BAG3: variants seen among roughly 807,000 people sequenced by gnomAD.
The protein encoded by BAG3 is BAG family molecular chaperone regulator 3.
In BAG3, 14 loss-of-function variants were observed where a neutral mutation model predicts 40.5. The observed-to-expected ratio is 0.35, with a 90% confidence interval of 0.23 to 0.54. The LOEUF (loss-of-function observed/expected upper bound fraction) is 0.54, where lower values mean the gene tolerates loss of function less well. BAG3 is among the 20% of genes least tolerant of loss of function. BAG3 has a pLI of 0.91. For missense variants in BAG3, 788 were observed against 758.6 expected (o/e 1.04, Z -0.46); for synonymous variants, 302 against 307.8 (o/e 0.98, Z 0.20).
At chr10:119,655,937 A>C (rs1589621847) in intron 1 of BAG3, among the ~76,000 whole-genome samples, 1 of 152,188 alleles carries the variant, frequency 6.6e-6, no homozygotes, top group African/African-American at 2.4e-5. Flanking sequence ...GTTGGATGCT[A>C]TCAGGGCTGC....
rs751558069 is a variant in BAG3 at position 119,676,804 on chromosome 10, C to A, written c.1250C>A (p.Pro417Gln). 1.2e-6 allele frequency: 2 copies of A among 1,614,056 alleles called. No homozygotes were observed. Among genetic ancestry groups the A allele is most frequent in the East Asian group, 2.2e-5 (1 of 44,902 alleles). ...PPKPGEAEAPPKHPGVLKVEA... is the reference protein window; with the variant it reads ...PPKPGEAEAPQKHPGVLKVEA... ...AAACCAGGAGAAGCCGAGGCTCCCC[C>A]AAAACATCCAGGAGTGCTGAAAGTG... The change falls in exon 4 of 4, where the codon CCA becomes CAA. Residue 417 changes from proline (P) to glutamine (Q), a missense_variant. Pro to Gln is a moderately conservative substitution (Grantham distance 76, BLOSUM62 -1). Coordinates refer to ENST00000369085, the MANE Select transcript of BAG3 (RefSeq NM_004281.4).
At position 119,672,114 on chromosome 10, in the gene BAG3, A is replaced by G; in HGVS notation, c.508-141A>G. The stretch of plus-strand genomic sequence containing the variant: ...CCAGAGCTCTCAGTCTTAACCGCAC[A>G]TTTTGAAAATTGAAAATTACAGATA... On this transcript the variant is annotated intron_variant, in intron 2 of 3. Coordinates refer to ENST00000369085, the MANE Select transcript of BAG3 (RefSeq NM_004281.4). This position sits in a 1 kb window ranked among gnomAD's most constrained non-coding sequence, Gnocchi z 4.8. The G allele has an allele frequency of 7.3e-6, 9 of 1,233,764 alleles. No individual in the cohort carries two copies. The highest frequency in any genetic ancestry group is 8.1e-6 in the Non-Finnish European group (7 of 859,954). The allele number at this position is 1,233,764 out of a possible 1,614,324, so 76.4% of individuals were successfully genotyped here.
At chr10:119,675,919 T>TCCTTCCCCCCTTCCTCCCTCCCTCCCTC (rs1554877671) in intron 3 of BAG3, among the ~76,000 whole-genome samples, 2 of 10,132 alleles carry the variant, frequency 2.0e-4, no homozygotes, top group African/African-American at 9.9e-4. Flanking sequence ...CTTCCTTCCT[T>TCCTTCCCCCCTTCCTCCCTCCCTCCCTC]CCTCCCTCCC....
intron 1 of BAG3, among the ~76,000 whole-genome samples, chr10:119,663,788 G>A (rs1357853118): frequency 2.0e-5 from 3 of 152,072 alleles, no homozygotes; most frequent in African/African-American, 4.8e-5. Flanking sequence ...ATCAGGCCAC[G>A]CAGAGTGTCA....
intron 1 of BAG3, among the ~76,000 whole-genome samples, chr10:119,652,443 A>G (rs1846856476): frequency 6.6e-6 from 1 of 152,206 alleles, no homozygotes; most frequent in Non-Finnish European, 1.5e-5. Flanking sequence ...AAACATTCAT[A>G]TATATATGTG....
intron 1 of BAG3, among the ~76,000 whole-genome samples, chr10:119,661,700 A>G (rs1846994140): frequency 6.6e-6 from 1 of 152,116 alleles, no homozygotes; most frequent in Admixed American, 6.6e-5. Flanking sequence ...ATGATAGTTT[A>G]TAGAGTATGT....
intron 2 of BAG3, among the ~76,000 whole-genome samples, chr10:119,671,084 G>C (rs182873628): frequency 4.6e-5 from 7 of 152,222 alleles, no homozygotes; most frequent in African/African-American, 1.7e-4. Context: ...GAGGCAGGTG[G>C]ATCACTTGAG....
chr10:119,663,931 A>AC (rs910926143), intron 1 of BAG3, among the ~76,000 whole-genome samples: 2 of 151,924 alleles, frequency 1.3e-5, no homozygotes, highest in African/African-American at 4.8e-5. Context: ...GTGCTTCGAT[A>AC]CCCCAAGTGC....
At chr10:119,661,378 C>A (rs1395190685) in intron 1 of BAG3, among the ~76,000 whole-genome samples, 1 of 152,150 alleles carries the variant, frequency 6.6e-6, no homozygotes, top group Non-Finnish European at 1.5e-5. Flanking sequence ...CTTGCAAAAA[C>A]CCCTGGGAAA....
In BAG3 at chr10:119,677,473, T is replaced by A. The variant is rs1847257368; in HGVS notation, c.*191T>A. The A allele has an allele frequency of 1.4e-6, 1 of 740,146 alleles. No homozygotes were observed. Among genetic ancestry groups the A allele is most frequent in the Non-Finnish European group, 2.2e-6 (1 of 449,562 alleles). The allele number at this position is 740,146 out of a possible 1,614,324, so 45.8% of individuals were successfully genotyped here. On this transcript the variant is annotated 3_prime_UTR_variant, in exon 4 of 4. Coordinates refer to ENST00000369085, the MANE Select transcript of BAG3 (RefSeq NM_004281.4). ...GCTTTTCTTCTATATTCTTACTCTGTACAAATAAAGAAGTTGCTTGTTGTT... is the reference window on the plus strand; with the variant it reads ...GCTTTTCTTCTATATTCTTACTCTGAACAAATAAAGAAGTTGCTTGTTGTT...
intron 1 of BAG3, among the ~76,000 whole-genome samples, chr10:119,657,265 A>G (rs1293936999): frequency 6.6e-6 from 1 of 152,158 alleles, no homozygotes; most frequent in African/African-American, 2.4e-5. Flanking sequence ...CCACTTTGAG[A>G]CTGTTCTCCA....
intron 1 of BAG3, among the ~76,000 whole-genome samples, chr10:119,660,756 C>T (rs925897210): frequency 6.6e-6 from 1 of 151,848 alleles, no homozygotes; most frequent in African/African-American, 2.4e-5. Flanking sequence ...CCAGCTAGTG[C>T]TGGAGAAAAG....
chr10:119,656,439 A>G (rs1846912815), intron 1 of BAG3, among the ~76,000 whole-genome samples: 1 of 133,636 alleles, frequency 7.5e-6, no homozygotes, highest in African/African-American at 2.9e-5. Context: ...GGGGTGCCGT[A>G]GTGCGATCTT....
chr10:119,677,189 C>T lies in BAG3; in HGVS notation c.1635C>T (p.Pro545=). 6.2e-7 allele frequency: 1 copy of T among 1,614,126 alleles called. No homozygotes were observed. The highest frequency in any genetic ancestry group is 1.1e-5 in the South Asian group (1 of 91,074). The change falls in exon 4 of 4, where the codon CCC becomes CCT. Residue 545 remains proline, a synonymous_variant. Transcript: ENST00000369085. ...GKKNAGNAED[P]HTETQQPEAT... ...AAAATGCTGGAAATGCAGAAGATCCCCACACAGAAACCCAGCAGCCAGAAG... is the reference window on the plus strand; with the variant it reads ...AAAATGCTGGAAATGCAGAAGATCCTCACACAGAAACCCAGCAGCCAGAAG...
chr10:119,676,856 G>T lies in BAG3; in HGVS notation c.1302G>T (p.Gly434=), dbSNP rs1337912162. The change falls in exon 4 of 4, where the codon GGG becomes GGT. Residue 434 remains glycine, a synonymous_variant. Coordinates refer to ENST00000369085, the MANE Select transcript of BAG3 (RefSeq NM_004281.4). ...KVEAILEKVQ[G]LEQAVDNFEG... ...AAGCCATCCTGGAGAAGGTACAGGG[G>T]CTGGAGCAGGCTGTAGACAACTTTG... 6.2e-7 allele frequency: 1 copy of T among 1,614,190 alleles called. No individual in the cohort carries two copies. Among genetic ancestry groups the T allele is most frequent in the Admixed American group, 1.7e-5 (1 of 60,026 alleles).
In BAG3 at chr10:119,677,681, G is replaced by T. The variant is rs774188346; in HGVS notation, c.*399G>T. 1.1e-4 allele frequency: 27 copies of T among 244,512 alleles called. No homozygotes were observed. Among genetic ancestry groups the T allele is most frequent in the Non-Finnish European group, 1.8e-4 (23 of 124,412 alleles). 15.1% of individuals were successfully genotyped at this position (244,512 alleles called of 1,614,324 possible). On this transcript the variant is annotated 3_prime_UTR_variant, in exon 4 of 4. Coordinates refer to ENST00000369085, the MANE Select transcript of BAG3 (RefSeq NM_004281.4). The stretch of plus-strand genomic sequence containing the variant: ...AGAAATGTTGCCATTTTAATGAGAT[G>T]ATTTTCTTCATCTCATAATTAAAAT...
chr10:119,660,179 C>T (rs866159440), intron 1 of BAG3, among the ~76,000 whole-genome samples: 14 of 152,348 alleles, frequency 9.2e-5, no homozygotes, highest in East Asian at 1.9e-4. Context: ...GTTGAGGAGA[C>T]GCCAGCAGAT....
chr10:119,666,289 C>T (rs1352889929), intron 1 of BAG3, among the ~76,000 whole-genome samples: 2 of 152,144 alleles, frequency 1.3e-5, no homozygotes, highest in Non-Finnish European at 2.9e-5. Flanking sequence ...GGTCTCTAGC[C>T]TCATCTCCCT....
At chr10:119,662,562 A>T (rs1333843921) in intron 1 of BAG3, among the ~76,000 whole-genome samples, 1 of 151,968 alleles carries the variant, frequency 6.6e-6, no homozygotes, top group Non-Finnish European at 1.5e-5. Flanking sequence ...TGGCCTAAAA[A>T]CCCAGTTAAT....
Sources: gnomAD v4.1 joint callset for allele counts (sites outside exome capture counted in the v4.1 genomes callset) on GRCh38, gnomAD v4.1.1 for gene constraint, Gnocchi (gnomAD v3.1) non-coding constraint, MANE v1.5 for transcripts, NCBI Gene and HGNC (gene_info 2026-07-23, HGNC 2026-07-21) for gene names.